ZSWIM4: variants seen among roughly 807,000 people sequenced by gnomAD.
The protein encoded by ZSWIM4 is zinc finger SWIM-type containing 4, also known as zinc finger SWIM domain-containing protein 4.
A neutral mutation model predicts 102.5 loss-of-function variants in ZSWIM4; 62 were observed. The ratio of observed to expected loss-of-function variants is 0.60; its 90% confidence interval spans 0.49 to 0.75. The LOEUF is 0.75. Ranked by LOEUF, ZSWIM4 falls within the 30% of genes least tolerant of loss-of-function variation. ZSWIM4 has a pLI of 0.00. For synonymous variants in ZSWIM4, 652 were observed against 674.5 expected, an observed-to-expected ratio of 0.97 and a Z score of 0.52; for missense variants, 1,280 against 1,529.6, an observed-to-expected ratio of 0.84 and a Z score of 2.72.
At chr19:13,822,388 G>C (rs749212711) in intron 10 of ZSWIM4, among the ~76,000 whole-genome samples, 1 of 151,944 alleles carries the variant, frequency 6.6e-6, no homozygotes, top group Non-Finnish European at 1.5e-5. Context: ...ATTTATAAAC[G>C]GTTGAAAAAA....
At chr19:13,819,609 C>G in intron 10 of ZSWIM4, 117 bp downstream of exon 10, 1 of 1,123,962 alleles carries the variant, frequency 8.9e-7, no homozygotes, top group Non-Finnish European at 1.2e-6. Flanking sequence ...TTAATTCAGT[C>G]TCTCTCACCC....
At chr19:13,824,469 C>T (rs113340709) in intron 11 of ZSWIM4, among the ~76,000 whole-genome samples, 1,580 of 151,856 alleles carry the variant, frequency 0.01, 24 homozygotes, top group African/African-American at 0.037. Flanking sequence ...CAGTGGTGCA[C>T]GCCTGTAATC....
At chr19:13,813,326 A>G (rs1221145902) in intron 6 of ZSWIM4, among the ~76,000 whole-genome samples, 162 bp downstream of exon 6, 1 of 152,202 alleles carries the variant, frequency 6.6e-6, no homozygotes, top group African/African-American at 2.4e-5. Context: ...CAACTTGTCT[A>G]GCCAGGAAAG....
At position 13,817,932 on chromosome 19, in the gene ZSWIM4, G is replaced by C; in HGVS notation, c.1880G>C (p.Arg627Pro). 6.5e-7 allele frequency: 1 copy of C among 1,541,728 alleles called. No individual in the cohort carries two copies. The highest frequency in any genetic ancestry group is 8.8e-7 in the Non-Finnish European group (1 of 1,142,344). ...ALLEEVELDE[R>P]LVQVLRKQAG... ...CTGGAGGAGGTGGAGTTGGATGAGCGGTTGGTGCAGGTGCTGCGCAAGCAG... is the reference window on the plus strand; with the variant it reads ...CTGGAGGAGGTGGAGTTGGATGAGCCGTTGGTGCAGGTGCTGCGCAAGCAG... The change falls in exon 9 of 14, where the codon CGG becomes CCG. Residue 627 changes from arginine to proline, a missense_variant. Transcript: ENST00000590508.
chr19:13,807,718 C>T (rs554766675), intron 3 of ZSWIM4, among the ~76,000 whole-genome samples: 4 of 140,758 alleles, frequency 2.8e-5, no homozygotes, highest in South Asian at 4.5e-4. Context: ...TGGATGGATG[C>T]ATGGATGGAT....
chr19:13,813,653 T>G (rs113022250), intron 6 of ZSWIM4, among the ~76,000 whole-genome samples: 3,347 of 151,710 alleles, frequency 0.022, 116 homozygotes, highest in African/African-American at 0.077. Flanking sequence ...AGGCATGGTG[T>G]CTCACGCCTG....
intron 2 of ZSWIM4, among the ~76,000 whole-genome samples, chr19:13,802,874 T>A (rs546572971): frequency 1.3e-5 from 2 of 152,246 alleles, no homozygotes; most frequent in South Asian, 4.1e-4. Flanking sequence ...CCACCATGCC[T>A]GGCCAAGTAT....
At chr19:13,797,716 G>A (rs767312520) in intron 1 of ZSWIM4, among the ~76,000 whole-genome samples, 8 of 152,106 alleles carry the variant, frequency 5.3e-5, no homozygotes, top group Non-Finnish European at 1.0e-4. Context: ...GCAGTGGCAC[G>A]ATCTCGGCTC....
chr19:13,802,899 C>T (rs556550415), intron 2 of ZSWIM4, among the ~76,000 whole-genome samples: 1 of 152,246 alleles, frequency 6.6e-6, no homozygotes, highest in African/African-American at 2.4e-5. Flanking sequence ...TTAAGATCAG[C>T]TGTGAAGGGT....
At chr19:13,797,298 C>T (rs1446018867) in intron 1 of ZSWIM4, among the ~76,000 whole-genome samples, 1 of 152,234 alleles carries the variant, frequency 6.6e-6, no homozygotes, top group Non-Finnish European at 1.5e-5. Flanking sequence ...AGCCAGCTCA[C>T]TGTATTGCCC....
At chr19:13,802,662 A>G (rs1284794349) in intron 2 of ZSWIM4, among the ~76,000 whole-genome samples, 2 of 150,994 alleles carry the variant, frequency 1.3e-5, no homozygotes, top group Non-Finnish European at 3.0e-5. Flanking sequence ...CACTGCAGCC[A>G]CAAACATCTG....
chr19:13,808,756 A>T lies in ZSWIM4; in HGVS notation c.713-80A>T, dbSNP rs1974985710. 2.1e-5 allele frequency: 28 copies of T among 1,359,774 alleles called. No individual in the cohort carries two copies. In the East Asian group the frequency reaches 7.2e-4, roughly 35 times the overall value. The allele number at this position is 1,359,774 out of a possible 1,614,324, so 84.2% of individuals were successfully genotyped here. A position where few individuals can be genotyped will look rare whatever the true frequency, so the allele number is the denominator to read the frequency against. On this transcript the variant is annotated intron_variant, in intron 3 of 13. Coordinates refer to ENST00000590508, the MANE Select transcript of ZSWIM4 (RefSeq NM_001367834.3). The stretch of plus-strand genomic sequence containing the variant: ...CTCCGTCTCCAAAAAAAAAAAAAAA[A>T]AAAAAGGACAGCTCTCCTCAACCCA...
Position 13,809,818 on chromosome 19 carries a change from G to A in ZSWIM4, c.1012+598G>A, listed in dbSNP as rs1009001616. On this transcript the variant is annotated intron_variant, in intron 5 of 13. Coordinates refer to ENST00000590508, the MANE Select transcript of ZSWIM4 (RefSeq NM_001367834.3). This position sits in a 1 kb window ranked among gnomAD's most constrained non-coding sequence, Gnocchi z 4.2. ...TCTTTTTTTCTTTTTTTAGAGACAG[G>A]ATCTCACTGTGCGCCCAGGCTGAAG... Among the ~76,000 whole-genome samples the A allele has an allele frequency of 2.0e-5, 3 of 151,770 alleles. No homozygotes were observed. The highest frequency in any genetic ancestry group is 7.3e-5 in the African/African-American group (3 of 41,298).
In ZSWIM4 at chr19:13,814,606, C is replaced by T. The variant is rs973900821; in HGVS notation, c.1272C>T (p.Asp424=). 14 of 1,237,368 alleles carry T rather than the reference C, an allele frequency of 1.1e-5. No homozygotes were observed. Among genetic ancestry groups the T allele is most frequent in the Non-Finnish European group, 1.5e-5 (14 of 955,186 alleles). The allele number at this position is 1,237,368 out of a possible 1,614,324, so 76.6% of individuals were successfully genotyped here. A position where few individuals can be genotyped will look rare whatever the true frequency, so the allele number is the denominator to read the frequency against. The change falls in exon 7 of 14, where the codon GAC becomes GAT. Residue 424 remains aspartate (D), a synonymous_variant. Transcript: ENST00000590508. ...TGGCTGGAGAGCTACACTGGAATGA[C>T]GCCTACCTGCAGAGGATCCTGGCCA... ...ALLAGELHWN[D]AYLQRILASD...
chr19:13,809,698 C>T lies in ZSWIM4; in HGVS notation c.1012+478C>T, dbSNP rs1471600044. 6.6e-6 allele frequency among the ~76,000 whole-genome samples: 1 copy of T among 152,182 alleles called. No individual in the cohort carries two copies. Among genetic ancestry groups the T allele is most frequent in the African/African-American group, 2.4e-5 (1 of 41,452 alleles). On this transcript the variant is annotated intron_variant, in intron 5 of 13. Transcript: ENST00000590508. This position sits in a 1 kb window ranked among gnomAD's most constrained non-coding sequence, Gnocchi z 4.2. ...GTCTCACTATCTTGCCAAGTCTGGT[C>T]TTGAACTCCTGGACTCAAGCAGTCC...
chr19:13,810,851 C>G (rs1975062899), intron 5 of ZSWIM4, among the ~76,000 whole-genome samples: 1 of 150,636 alleles, frequency 6.6e-6, no homozygotes, highest in Non-Finnish European at 1.5e-5. Flanking sequence ...ACCTCATGAT[C>G]CGCCCGCCTC....
chr19:13,816,586 C>T (rs139021689), intron 7 of ZSWIM4, among the ~76,000 whole-genome samples: 21 of 152,114 alleles, frequency 1.4e-4, no homozygotes, highest in Admixed American at 1.0e-3. Flanking sequence ...GCTGAGATCA[C>T]GCCATTGCAC....
In ZSWIM4 at chr19:13,809,028, C is replaced by T. The variant is rs1409476400; in HGVS notation, c.862-42C>T. On this transcript the variant is annotated intron_variant, in intron 4 of 13. Coordinates refer to ENST00000590508, the MANE Select transcript of ZSWIM4 (RefSeq NM_001367834.3). This position sits in a 1 kb window ranked among gnomAD's most constrained non-coding sequence, Gnocchi z 4.2. ...GGGCGCGGGGTGCAGAAGGCCCCGG[C>T]GGACGCCCCAGCCCTTCCTCACCAC... The T allele has an allele frequency of 6.8e-6, 11 of 1,606,092 alleles. No individual in the cohort carries two copies. The highest frequency in any genetic ancestry group is 9.4e-6 in the Non-Finnish European group (11 of 1,174,470).
intron 9 of ZSWIM4, among the ~76,000 whole-genome samples, chr19:13,818,319 A>C (rs1202039201): frequency 6.6e-6 from 1 of 151,902 alleles, no homozygotes; most frequent in Non-Finnish European, 1.5e-5. Flanking sequence ...CCTGCTCCTC[A>C]TTGGCCCCGC....
Sources: gnomAD v4.1 joint callset for allele counts (sites outside exome capture counted in the v4.1 genomes callset) on GRCh38, gnomAD v4.1.1 for gene constraint, Gnocchi (gnomAD v3.1) non-coding constraint, MANE v1.5 for transcripts, NCBI Gene and HGNC (gene_info 2026-07-23, HGNC 2026-07-21) for gene names.